Variants in WDR72 observed in about 807,000 individuals in gnomAD.
WDR72 encodes the protein WD repeat-containing protein 72.
WDR72 carries 120 observed loss-of-function variants against 124.2 expected under a neutral mutation model. The ratio of observed to expected loss-of-function variants is 0.97; its 90% CI spans 0.83 to 1.12. WDR72 has a LOEUF of 1.12. Ranked by LOEUF, WDR72 falls within the 50% of genes most tolerant of loss-of-function variation. WDR72 has a pLI of 0.00. For synonymous variants in WDR72, 452 were observed against 441.7 expected (o/e 1.02, Z -0.29); for missense variants, 1,387 against 1,278.8 (o/e 1.08, Z -1.29).
intron 14 of WDR72, among the ~76,000 whole-genome samples, chr15:53,625,680 C>T (rs142024622): frequency 1.6e-3 from 249 of 152,136 alleles, no homozygotes; most frequent in African/African-American, 5.8e-3. Context: ...AAAATTATTC[C>T]TCTACTACCC....
intron 18 of WDR72, among the ~76,000 whole-genome samples, chr15:53,529,584 GA>G (rs568973882): frequency 1.3e-5 from 2 of 152,168 alleles, no homozygotes; most frequent in African/African-American, 4.8e-5. Flanking sequence ...TCCTAAAAGA[GA>G]AAGTGTTCCT....
rs1172660929 is a variant in WDR72, at chr15:53,665,799, A to T, written c.1766-31T>A. 1.9e-6 allele frequency: 3 copies of T among 1,599,132 alleles called. No homozygotes were observed. The African/African-American group carries it at 4.0e-5, about 21-fold the overall frequency. ...AAACAAGATTAGAGGTAAAAATGTC[A>T]GGAAAATATTTACCCCAACAGAATA... On this transcript the variant is annotated intron_variant, in intron 13 of 19. Transcript: ENST00000360509.
chr15:53,662,724 C>G (rs1174706080), intron 14 of WDR72, among the ~76,000 whole-genome samples: 1 of 151,856 alleles, frequency 6.6e-6, no homozygotes, highest in Non-Finnish European at 1.5e-5. Context: ...TTATAAGCAC[C>G]CATAACATTT....
chr15:53,588,348 T>C (rs756724819), intron 18 of WDR72, among the ~76,000 whole-genome samples: 1 of 151,994 alleles, frequency 6.6e-6, no homozygotes, highest in Non-Finnish European at 1.5e-5. Flanking sequence ...GGCAAATAAA[T>C]AAGCAATTAG....
chr15:53,682,424 T>C (rs569578743), intron 13 of WDR72, among the ~76,000 whole-genome samples: 32 of 152,326 alleles, frequency 2.1e-4, no homozygotes, highest in African/African-American at 7.5e-4. Context: ...GAGACTTACA[T>C]GCCTCTCTTC....
intron 13 of WDR72, among the ~76,000 whole-genome samples, chr15:53,688,100 G>A (rs538001363): frequency 0.031 from 4,336 of 140,860 alleles, 177 homozygotes; most frequent in African/African-American, 0.1. Context: ...ACCCACAGCC[G>A]ATATCATACT....
At chr15:53,612,069 T>A (rs904060819) in intron 16 of WDR72, among the ~76,000 whole-genome samples, 5 of 152,104 alleles carry the variant, frequency 3.3e-5, no homozygotes, top group Admixed American at 2.6e-4. Flanking sequence ...ACATGCCCAA[T>A]AGAACACAAA....
intron 17 of WDR72, among the ~76,000 whole-genome samples, chr15:53,607,895 C>T (rs1325884459): frequency 1.3e-5 from 2 of 152,026 alleles, no homozygotes; most frequent in African/African-American, 2.4e-5. Flanking sequence ...AATAAACAGG[C>T]ATATGCAAAG....
At chr15:53,564,886 G>C (rs1341078771) in intron 18 of WDR72, among the ~76,000 whole-genome samples, 1 of 151,710 alleles carries the variant, frequency 6.6e-6, no homozygotes, top group Admixed American at 6.6e-5. Flanking sequence ...GAAAATGCTG[G>C]GGCCAAAAGC....
intron 17 of WDR72, among the ~76,000 whole-genome samples, chr15:53,608,757 A>AAAAT (rs377242751): frequency 0.012 from 1,459 of 123,682 alleles, 31 homozygotes; most frequent in African/African-American, 0.051. Flanking sequence ...TCCTTTCTCA[A>AAAAT]AAATAAATAA....
At chr15:53,695,983 C>T (rs952661425) in intron 13 of WDR72, among the ~76,000 whole-genome samples, 3 of 152,180 alleles carry the variant, frequency 2.0e-5, no homozygotes, top group African/African-American at 7.2e-5. Context: ...AGGCAGACTT[C>T]TGGCAAGTTG....
intron 13 of WDR72, among the ~76,000 whole-genome samples, chr15:53,677,604 AGCTCCCCT>A (rs935705420): frequency 2.5e-4 from 38 of 152,096 alleles, no homozygotes; most frequent in African/African-American, 8.9e-4. Flanking sequence ...TATAAAGGGA[AGCTCCCCT>A]GCACACACTC....
intron 19 of WDR72, among the ~76,000 whole-genome samples, chr15:53,521,617 T>C (rs1006544122): frequency 6.6e-6 from 1 of 152,038 alleles, no homozygotes; most frequent in African/African-American, 2.4e-5. Context: ...ATCAATCAGA[T>C]AGAGAATGTT....
chr15:53,558,166 G>C (rs911074381), intron 18 of WDR72, among the ~76,000 whole-genome samples: 1 of 152,000 alleles, frequency 6.6e-6, no homozygotes, highest in African/African-American at 2.4e-5. Flanking sequence ...TCATTCTATA[G>C]TAGGAATTCA....
At chr15:53,633,126 T>C (rs2014494284) in intron 14 of WDR72, among the ~76,000 whole-genome samples, 1 of 152,206 alleles carries the variant, frequency 6.6e-6, no homozygotes. Context: ...AAATCTGATG[T>C]TGAAATGTAA....
At chr15:53,637,308 A>G (rs1175012101) in intron 14 of WDR72, among the ~76,000 whole-genome samples, 1 of 152,192 alleles carries the variant, frequency 6.6e-6, no homozygotes, top group Non-Finnish European at 1.5e-5. Context: ...CTTATTTTGC[A>G]CAACGTTTCT....
At chr15:53,733,777 T>C (rs534177775) in intron 1 of WDR72, among the ~76,000 whole-genome samples, 1 of 152,166 alleles carries the variant, frequency 6.6e-6, no homozygotes, top group Non-Finnish European at 1.5e-5. Flanking sequence ...CATTCATATG[T>C]TAGTTACAAG....
rs1445878753 is a variant in WDR72 at position 53,517,211 on chromosome 15, C to G, written c.*488G>C. ...CTGCAGTAATTGATCCGAATTAAAG[C>G]ATATCCACTAAAACAAAATATCCTA... On this transcript the variant is annotated 3_prime_UTR_variant, in exon 20 of 20. Transcript: ENST00000360509. 1 of 169,388 alleles carries G rather than the reference C, an allele frequency of 5.9e-6. No individual in the cohort carries two copies. Among genetic ancestry groups the G allele is most frequent in the African/African-American group, 2.4e-5 (1 of 41,544 alleles). The allele number at this position is 169,388 out of a possible 1,614,324, so 10.5% of individuals were successfully genotyped here.
intron 16 of WDR72, among the ~76,000 whole-genome samples, chr15:53,612,726 C>T (rs977341667): frequency 6.6e-6 from 1 of 152,056 alleles, no homozygotes; most frequent in African/African-American, 2.4e-5. Context: ...CTGAGCGAAA[C>T]AGAAGCCACC....
Sources: allele counts gnomAD v4.1 joint callset (sites outside exome capture counted in the v4.1 genomes callset), GRCh38; gene constraint gnomAD v4.1.1; transcripts MANE v1.5; gene names NCBI Gene and HGNC (gene_info 2026-07-23, HGNC 2026-07-21).